The following XYLB variants were observed in gnomAD, a reference collection of about 807,000 sequenced individuals.
The protein encoded by XYLB is xylulose kinase.
A neutral mutation model predicts 78.7 loss-of-function variants in XYLB; 62 were observed. That is an observed-to-expected ratio of 0.79 (90% CI 0.64 to 0.97). The LOEUF is 0.97. Among genes scored for constraint, XYLB ranks in the 50% least tolerant of loss-of-function variants. XYLB has a pLI of 0.00. For missense variants in XYLB, 687 were observed against 676.8 expected, an observed-to-expected ratio of 1.02 and a Z score of -0.17; for synonymous variants, 245 against 247.4, an observed-to-expected ratio of 0.99 and a Z score of 0.09.
At chr3:38,369,056 AT>A (rs1321443983) in intron 8 of XYLB, among the ~76,000 whole-genome samples, 3 of 152,130 alleles carry the variant, frequency 2.0e-5, no homozygotes, top group Non-Finnish European at 2.9e-5. Context: ...TGTGGACAGA[AT>A]GGGGGTAGAG....
intron 18 of XYLB, among the ~76,000 whole-genome samples, chr3:38,407,242 G>A (rs1321558962): frequency 6.7e-6 from 1 of 149,586 alleles, no homozygotes; most frequent in Non-Finnish European, 1.5e-5. Flanking sequence ...CATTCTTAAA[G>A]AAAAGAATTT....
At chr3:38,415,242 C>A (rs971050767), downstream of XYLB, among the ~76,000 whole-genome samples, 16 of 152,320 alleles carry the variant, frequency 1.1e-4, no homozygotes, top group Non-Finnish European at 1.8e-4. Context: ...TCATATTTCA[C>A]CAAGCTGTCC....
intron 9 of XYLB, among the ~76,000 whole-genome samples, chr3:38,372,158 TCC>T (rs1706602098): frequency 1.3e-5 from 2 of 152,140 alleles, no homozygotes; most frequent in Non-Finnish European, 2.9e-5. Flanking sequence ...CAGATAGCCC[TCC>T]CTGCACTCTG....
At chr3:38,374,437 C>T (rs1706739893) in intron 10 of XYLB, 25 bp from the exon 11 acceptor site, 3 of 1,614,018 alleles carry the variant, frequency 1.9e-6, no homozygotes, top group East Asian at 4.5e-5. Context: ...CGCCAGCTAA[C>T]CAGAAGCTCC....
intron 8 of XYLB, 107 bp downstream of exon 8, chr3:38,368,364 C>A: frequency 1.0e-6 from 1 of 968,514 alleles, no homozygotes; most frequent in Non-Finnish European, 1.7e-6. Flanking sequence ...ATCTTGTAGC[C>A]CTGTCATCTG....
intron 17 of XYLB, 84 bp downstream of exon 17, chr3:38,397,243 G>C: frequency 1.5e-6 from 2 of 1,290,716 alleles, no homozygotes; most frequent in South Asian, 2.4e-5. Flanking sequence ...GGAGAGTGAG[G>C]TGTACCCAGT....
intron 10 of XYLB, among the ~76,000 whole-genome samples, chr3:38,373,976 C>A (rs185662772): frequency 2.6e-4 from 40 of 151,932 alleles, no homozygotes; most frequent in Non-Finnish European, 1.8e-4. Context: ...TATGATCATG[C>A]CACTGCACTC....
chr3:38,378,418 T>C (rs1479749330), intron 14 of XYLB, among the ~76,000 whole-genome samples: 1 of 152,198 alleles, frequency 6.6e-6, no homozygotes, highest in Non-Finnish European at 1.5e-5. Context: ...GACGACTGAA[T>C]GAGCATGTAC....
At chr3:38,421,283 T>A (rs1708969446), downstream of XYLB, 1 of 152,448 alleles carries the variant, frequency 6.6e-6, no homozygotes, top group Admixed American at 6.5e-5. Flanking sequence ...GGCTCGAACC[T>A]GGGTCGAATA....
Position 38,389,447 on chromosome 3 carries a change from A to G in XYLB, c.1292-6058A>G, listed in dbSNP as rs569995547. ...CCATCGTCATCATGGCCCGTTCTCA[A>G]TGAGCTGTTGGGTACACCTCCCAGA... On this transcript the variant is annotated intron_variant, in intron 15 of 18. Transcript: ENST00000207870. Among the ~76,000 whole-genome samples the G allele has an allele frequency of 1.2e-3, 183 of 152,190 alleles. 1 individual carries two copies. The highest frequency in any genetic ancestry group is 7.5e-4 in the Non-Finnish European group (51 of 68,002).
chr3:38,398,867 C>CA (rs202076058), intron 17 of XYLB, among the ~76,000 whole-genome samples: 143 of 141,376 alleles, frequency 1.0e-3, no homozygotes, highest in East Asian at 4.6e-3. Context: ...TACTAAAATA[C>CA]AAAAAAAAAA....
At chr3:38,433,789 GTGTC>G in the XYLB span, among the ~76,000 whole-genome samples, 1 of 151,956 alleles carries the variant, frequency 6.6e-6, no homozygotes, top group South Asian at 2.1e-4. Flanking sequence ...CCACATTTTC[GTGTC>G]TGCAAACCAT....
In XYLB at chr3:38,365,513, T is replaced by C. The variant is rs1706205948; in HGVS notation, c.379-95T>C. ...CAAGGTCACCTGGGAAGAAGCGTCA[T>C]GACTGCCGTGATGGGCAGTGTGACC... On this transcript the variant is annotated intron_variant, in intron 5 of 18. Transcript: ENST00000207870. 5 of 1,533,978 alleles carry C rather than the reference T, an allele frequency of 3.3e-6. No individual in the cohort carries two copies. In the Admixed American group the frequency reaches 9.7e-5, roughly 30 times the overall value.
chr3:38,399,512 G>A (rs1400640004), intron 17 of XYLB, among the ~76,000 whole-genome samples: 1 of 152,156 alleles, frequency 6.6e-6, no homozygotes, highest in Non-Finnish European at 1.5e-5. Context: ...CAAGGCCTTT[G>A]TTTCATCCTC....
rs1392006737 is a variant in XYLB at position 38,347,767 on chromosome 3, T to TA, written c.58-783_58-782insA. Among the ~76,000 whole-genome samples the TA allele has an allele frequency of 3.3e-5, 5 of 152,210 alleles. No homozygotes were observed. The East Asian group carries it at 7.7e-4, about 24-fold the overall frequency. On this transcript the variant is annotated intron_variant, in intron 1 of 18. Coordinates refer to ENST00000207870, the MANE Select transcript of XYLB (RefSeq NM_005108.4). ...CGTTGACACCAGCTTGCCTGGTCTG[T>TA]GCACCCAGGACTGCTGGCCAGAGGA... is the stretch of plus-strand genomic sequence containing the variant.
chr3:38,426,326 G>A (rs1021549978), downstream of XYLB, among the ~76,000 whole-genome samples: 2 of 152,272 alleles, frequency 1.3e-5, no homozygotes, highest in Admixed American at 6.5e-5. Flanking sequence ...CAATGTGATT[G>A]GAATACTTCT....
At chr3:38,410,678 A>G (rs1049662209) in intron 18 of XYLB, among the ~76,000 whole-genome samples, 2 of 152,182 alleles carry the variant, frequency 1.3e-5, no homozygotes, top group African/African-American at 4.8e-5. Context: ...GAACTCAAAC[A>G]AATTTACAAG....
chr3:38,404,661 GA>G (rs1189879920), intron 18 of XYLB, among the ~76,000 whole-genome samples: 2 of 151,888 alleles, frequency 1.3e-5, no homozygotes, highest in Non-Finnish European at 2.9e-5. Context: ...TACTAAAAAA[GA>G]AAAAAACACA....
At chr3:38,398,638 G>A (rs907314063) in intron 17 of XYLB, among the ~76,000 whole-genome samples, 1 of 147,832 alleles carries the variant, frequency 6.8e-6, no homozygotes, top group Non-Finnish European at 1.5e-5. Context: ...ACTTACCTAT[G>A]AGTCTGCCTG....
Sources: allele counts gnomAD v4.1 joint callset (sites outside exome capture counted in the v4.1 genomes callset), GRCh38; gene constraint gnomAD v4.1.1; transcripts MANE v1.5; gene names NCBI Gene and HGNC (gene_info 2026-07-23, HGNC 2026-07-21).